SPIDR: variants seen among roughly 807,000 people sequenced by gnomAD.
The protein encoded by SPIDR is scaffold protein involved in DNA repair.
In SPIDR, 93 loss-of-function variants were observed where a neutral mutation model predicts 104.6. The observed-to-expected ratio is 0.89, with a 90% confidence interval of 0.75 to 1.06. The LOEUF (loss-of-function observed/expected upper bound fraction) is 1.06, where lower values mean the gene tolerates loss of function less well. Among genes scored for constraint, SPIDR ranks in the 50% least tolerant of loss-of-function variants. The pLI, the probability that SPIDR is intolerant of heterozygous loss-of-function variation, is 0.00. For missense variants in SPIDR, 1,154 were observed against 1,111.2 expected, an observed-to-expected ratio of 1.04 and a Z score of -0.55; for synonymous variants, 431 against 416.9, an observed-to-expected ratio of 1.03 and a Z score of -0.41.
At position 47,532,553 on chromosome 8, in the gene SPIDR, A is replaced by G. The variant is rs972240940; in HGVS notation, c.1098-63258A>G. ...ATCAAAGATAAAGAGGGAGTATTAC[A>G]TAATGAAAAAGGATCAGTTCTCCAA... On this transcript the variant is annotated intron_variant, in intron 8 of 19. Transcript: ENST00000297423. Among the ~76,000 whole-genome samples the G allele has an allele frequency of 4.6e-5, 7 of 152,362 alleles. 1 individual carries two copies. The South Asian group carries it at 1.2e-3, about 27-fold the overall frequency.
At chr8:47,376,771 C>A (rs548716247) in intron 5 of SPIDR, among the ~76,000 whole-genome samples, 123 of 151,962 alleles carry the variant, frequency 8.1e-4, no homozygotes, top group Non-Finnish European at 1.3e-3. Context: ...GGAAAAACAT[C>A]TTGAGATTTT....
At chr8:47,609,485 T>C (rs2063360008) in intron 10 of SPIDR, among the ~76,000 whole-genome samples, 1 of 152,192 alleles carries the variant, frequency 6.6e-6, no homozygotes, top group Non-Finnish European at 1.5e-5. Context: ...CTAGTAGTAG[T>C]CTTTATATTT....
chr8:47,621,395 C>A (rs563071587), intron 10 of SPIDR, among the ~76,000 whole-genome samples: 4 of 152,298 alleles, frequency 2.6e-5, no homozygotes, highest in African/African-American at 9.6e-5. Context: ...ATCATCTGGG[C>A]ATGTCATGTA....
At chr8:47,338,847 T>C (rs1390506481) in intron 5 of SPIDR, among the ~76,000 whole-genome samples, 1 of 152,218 alleles carries the variant, frequency 6.6e-6, no homozygotes, top group East Asian at 1.9e-4. Flanking sequence ...CTCAAATTTA[T>C]GTTAGTAGAT....
intron 10 of SPIDR, chr8:47,673,328 T>C (rs2076025077): frequency 4.5e-6 from 2 of 444,972 alleles, no homozygotes; most frequent in Non-Finnish European, 9.0e-6. Context: ...TCGCAGAGAA[T>C]GCCTCTTATT....
intron 5 of SPIDR, among the ~76,000 whole-genome samples, chr8:47,310,152 G>A (rs965027546): frequency 6.6e-6 from 1 of 151,328 alleles, no homozygotes; most frequent in Admixed American, 6.6e-5. Flanking sequence ...GGCTAACACA[G>A]TGAAACCCCG....
At chr8:47,457,126 G>A (rs906965899) in intron 8 of SPIDR, among the ~76,000 whole-genome samples, 36 of 152,152 alleles carry the variant, frequency 2.4e-4, no homozygotes, top group African/African-American at 8.4e-4. Context: ...ATACCCAGTA[G>A]TGGGATTGCT....
intron 7 of SPIDR, among the ~76,000 whole-genome samples, chr8:47,429,608 C>A (rs1029230464): frequency 3.3e-5 from 5 of 151,816 alleles, no homozygotes; most frequent in Non-Finnish European, 7.3e-5. Context: ...AAAAATGTTA[C>A]AACATGGCAT....
At chr8:47,695,633 G>A (rs1224673119) in intron 11 of SPIDR, among the ~76,000 whole-genome samples, 1 of 152,214 alleles carries the variant, frequency 6.6e-6, no homozygotes. Flanking sequence ...GAATAGGCAA[G>A]CAAGCTGGTA....
chr8:47,696,234 T>G (rs1313452851), intron 11 of SPIDR, among the ~76,000 whole-genome samples: 1 of 152,214 alleles, frequency 6.6e-6, no homozygotes, highest in Non-Finnish European at 1.5e-5. Context: ...CTGAAGATGG[T>G]CTCAAGTTGG....
intron 10 of SPIDR, among the ~76,000 whole-genome samples, chr8:47,668,147 TCTTATA>T (rs780707052): frequency 7.9e-5 from 12 of 152,118 alleles, no homozygotes; most frequent in Admixed American, 2.0e-4. Flanking sequence ...ATTATGTGAG[TCTTATA>T]CTTAGAATTT....
chr8:47,280,932 A>G (rs371716552), intron 2 of SPIDR, among the ~76,000 whole-genome samples: 43 of 152,312 alleles, frequency 2.8e-4, no homozygotes, highest in African/African-American at 1.0e-3. Flanking sequence ...AGATGAAACC[A>G]TTGAGCATAC....
At chr8:47,330,029 G>C (rs1288732550) in intron 5 of SPIDR, among the ~76,000 whole-genome samples, 1 of 152,148 alleles carries the variant, frequency 6.6e-6, no homozygotes, top group African/African-American at 2.4e-5. Flanking sequence ...CTGACACCCA[G>C]ATTTTTCATG....
chr8:47,654,032 G>A, intron 10 of SPIDR: 6 of 1,289,036 alleles, frequency 4.7e-6, no homozygotes, highest in Non-Finnish European at 6.1e-6. Flanking sequence ...AGGGGAACAG[G>A]CGGGAGCCAA....
chr8:47,341,949 A>G (rs1242295993), intron 5 of SPIDR, among the ~76,000 whole-genome samples: 1 of 152,160 alleles, frequency 6.6e-6, no homozygotes, highest in Non-Finnish European at 1.5e-5. Context: ...CGCATGGAGA[A>G]TACCACCAAT....
intron 8 of SPIDR, among the ~76,000 whole-genome samples, chr8:47,528,665 C>T (rs978502045): frequency 5.3e-5 from 8 of 151,844 alleles, no homozygotes; most frequent in Non-Finnish European, 7.4e-5. Context: ...TGAAGAATGC[C>T]TTCGATGGGC....
intron 10 of SPIDR, among the ~76,000 whole-genome samples, chr8:47,631,484 T>A (rs556535911): frequency 1.7e-4 from 26 of 152,194 alleles, no homozygotes; most frequent in Non-Finnish European, 3.8e-4. Flanking sequence ...ACACAAATAT[T>A]ACTGAATATG....
chr8:47,515,632 T>C (rs1215744657), intron 8 of SPIDR, among the ~76,000 whole-genome samples: 3 of 152,244 alleles, frequency 2.0e-5, no homozygotes, highest in African/African-American at 7.2e-5. Flanking sequence ...TTGTCTCTCA[T>C]TCCCAGTACT....
At chr8:47,521,418 C>T (rs2084056289) in intron 8 of SPIDR, among the ~76,000 whole-genome samples, 1 of 151,204 alleles carries the variant, frequency 6.6e-6, no homozygotes, top group South Asian at 2.1e-4. Flanking sequence ...AATACCCAGT[C>T]GTTTTGTTGT....
Sources: allele counts gnomAD v4.1 joint callset (sites outside exome capture counted in the v4.1 genomes callset), GRCh38; gene constraint gnomAD v4.1.1; transcripts MANE v1.5; gene names NCBI Gene and HGNC (gene_info 2026-07-23, HGNC 2026-07-21).